GNA14: variants seen among roughly 807,000 people sequenced by gnomAD.
GNA14 encodes the protein G protein subunit alpha 14.
A neutral mutation model predicts 42.0 loss-of-function variants in GNA14; 50 were observed. That is an observed-to-expected ratio of 1.19 (90% CI 0.95 to 1.51). The LOEUF is 1.51. Ranked by LOEUF, GNA14 falls within the 40% of genes most tolerant of loss-of-function variation. GNA14 has a pLI of 0.00. For synonymous variants in GNA14, 173 were observed against 163.1 expected, an observed-to-expected ratio of 1.06 and a Z score of -0.46; for missense variants, 473 against 446.2, an observed-to-expected ratio of 1.06 and a Z score of -0.54.
At chr9:77,514,677 G>C (rs767460313) in intron 2 of GNA14, among the ~76,000 whole-genome samples, 46 of 148,162 alleles carry the variant, frequency 3.1e-4, no homozygotes, top group Non-Finnish European at 5.8e-4. Flanking sequence ...GCAGTGGTGC[G>C]ATCTCGGCTC....
chr9:77,603,270 G>A (rs969202067), intron 1 of GNA14, among the ~76,000 whole-genome samples: 3 of 152,098 alleles, frequency 2.0e-5, no homozygotes, highest in African/African-American at 7.2e-5. Flanking sequence ...TTGGTCTGAT[G>A]GCTGTAAATG....
At chr9:77,608,086 C>T (rs1178736969) in intron 1 of GNA14, among the ~76,000 whole-genome samples, 2 of 152,192 alleles carry the variant, frequency 1.3e-5, no homozygotes, top group Non-Finnish European at 2.9e-5. Context: ...GCAAGACGGC[C>T]CCAGAGCCAA....
At chr9:77,565,251 G>C (rs1822948551) in intron 1 of GNA14, among the ~76,000 whole-genome samples, 1 of 152,162 alleles carries the variant, frequency 6.6e-6, no homozygotes, top group Non-Finnish European at 1.5e-5. Context: ...TGGTTACTGA[G>C]TATTTGAATG....
intron 2 of GNA14, among the ~76,000 whole-genome samples, chr9:77,476,362 G>A (rs1008390252): frequency 6.6e-6 from 1 of 152,186 alleles, no homozygotes; most frequent in Non-Finnish European, 1.5e-5. Flanking sequence ...CTGAGAGCAG[G>A]AAATGACATC....
chr9:77,539,562 G>A (rs1837635375), intron 1 of GNA14, among the ~76,000 whole-genome samples: 1 of 152,112 alleles, frequency 6.6e-6, no homozygotes, highest in South Asian at 2.1e-4. Context: ...CAATCTTTTG[G>A]AATAGTTTCA....
At chr9:77,564,295 T>TA (rs1327717683) in intron 1 of GNA14, among the ~76,000 whole-genome samples, 2 of 82,880 alleles carry the variant, frequency 2.4e-5, no homozygotes, top group African/African-American at 6.5e-5. Context: ...GCAGCACAAT[T>TA]TAAAAAAAAA....
intron 2 of GNA14, among the ~76,000 whole-genome samples, chr9:77,528,469 G>A (rs922773684): frequency 1.2e-4 from 18 of 151,970 alleles, no homozygotes; most frequent in African/African-American, 3.9e-4. Context: ...ATTTTCCTCT[G>A]GTTTTCAGCA....
At chr9:77,454,236 C>T (rs1318474325) in intron 2 of GNA14, among the ~76,000 whole-genome samples, 1 of 152,210 alleles carries the variant, frequency 6.6e-6, no homozygotes, top group Non-Finnish European at 1.5e-5. Context: ...AAAGTGACTT[C>T]CCCTTTCCTC....
At chr9:77,467,285 C>T (rs1460224905) in intron 2 of GNA14, among the ~76,000 whole-genome samples, 1 of 151,896 alleles carries the variant, frequency 6.6e-6, no homozygotes, top group African/African-American at 2.4e-5. Flanking sequence ...TGAGGTCATG[C>T]TTATGCCCTT....
rs552145947 is a variant in GNA14, at chr9:77,429,633, A to T, written c.594-597T>A. ...CCCAGGGATCATGAGCTCAAATGCTACAAGAATCAGGCAGTTTATGGGAAT... is the reference window on the plus strand; with the variant it reads ...CCCAGGGATCATGAGCTCAAATGCTTCAAGAATCAGGCAGTTTATGGGAAT... On this transcript the variant is annotated intron_variant, in intron 4 of 6. Transcript: ENST00000341700. Among the ~76,000 whole-genome samples the T allele has an allele frequency of 8.5e-4, 130 of 152,308 alleles. 3 individuals are homozygous for T. Among genetic ancestry groups the T allele is most frequent in the Admixed American group, 7.5e-3 (114 of 15,296 alleles).
intron 2 of GNA14, among the ~76,000 whole-genome samples, chr9:77,501,247 G>A (rs922108346): frequency 6.6e-6 from 1 of 152,100 alleles, no homozygotes; most frequent in African/African-American, 2.4e-5. Context: ...GAGCCACCAC[G>A]CCCAGCTGCA....
At chr9:77,599,244 A>G (rs796466493) in intron 1 of GNA14, among the ~76,000 whole-genome samples, 12 of 152,340 alleles carry the variant, frequency 7.9e-5, no homozygotes, top group African/African-American at 2.6e-4. Flanking sequence ...ATATAATAGC[A>G]TAGCTGGAAC....
intron 5 of GNA14, 39 bp downstream of exon 5, chr9:77,428,868 C>T (rs1235344400): frequency 8.1e-6 from 13 of 1,604,962 alleles, no homozygotes; most frequent in Non-Finnish European, 9.4e-6. Flanking sequence ...AGAATAGGCT[C>T]TGGCTTCCAC....
intron 1 of GNA14, among the ~76,000 whole-genome samples, chr9:77,580,084 G>C (rs558080432): frequency 1.3e-5 from 2 of 152,290 alleles, no homozygotes; most frequent in Admixed American, 1.3e-4. Flanking sequence ...CAGGGTGACT[G>C]TATGTCCTGG....
chr9:77,463,719 TCATGC>T (rs2131714474), intron 2 of GNA14, among the ~76,000 whole-genome samples: 1 of 152,254 alleles, frequency 6.6e-6, no homozygotes, highest in South Asian at 2.1e-4. Context: ...GGTGGCAGAA[TCATGC>T]CAGGTTCAAT....
At chr9:77,456,488 G>C (rs553541040) in intron 2 of GNA14, 2 of 152,296 alleles carry the variant, frequency 1.3e-5, no homozygotes, top group South Asian at 2.1e-4. Context: ...AGTAGAAAAC[G>C]AAGTTCCAGA....
chr9:77,589,893 G>A (rs1042724778), intron 1 of GNA14, among the ~76,000 whole-genome samples: 1 of 152,106 alleles, frequency 6.6e-6, no homozygotes, highest in African/African-American at 2.4e-5. Flanking sequence ...TCCCCTAAAA[G>A]GATAAGGAAA....
chr9:77,514,388 A>G (rs1837216016), intron 2 of GNA14, among the ~76,000 whole-genome samples: 2 of 152,072 alleles, frequency 1.3e-5, no homozygotes, highest in South Asian at 2.1e-4. Context: ...TCTTAATATC[A>G]TTGACTTCAC....
At chr9:77,517,641 C>T (rs1837280987) in intron 2 of GNA14, 1 of 99,954 alleles carries the variant, frequency 1.0e-5, no homozygotes, top group Non-Finnish European at 1.8e-5. Context: ...GAGTATCACT[C>T]TGTCACCCAG....
Sources: allele counts gnomAD v4.1 joint callset (sites outside exome capture counted in the v4.1 genomes callset), GRCh38; gene constraint gnomAD v4.1.1; transcripts MANE v1.5; gene names NCBI Gene and HGNC (gene_info 2026-07-23, HGNC 2026-07-21).